CDH13: variants seen among roughly 807,000 people sequenced by gnomAD.
CDH13 encodes cadherin 13.
In CDH13, 24 loss-of-function variants were observed where a neutral mutation model predicts 63.8. That is an observed-to-expected ratio of 0.38 (90% CI 0.27 to 0.53). The LOEUF (loss-of-function observed/expected upper bound fraction) is 0.53. Ranked by LOEUF, CDH13 falls within the 20% of genes least tolerant of loss-of-function variation. The probability of loss-of-function intolerance (pLI) is 0.85; values close to 1 mark genes in which losing one functional copy is unlikely to be tolerated. For missense variants in CDH13, 1,049 were observed against 903.1 expected, an observed-to-expected ratio of 1.16 and a Z score of -2.07; for synonymous variants, 503 against 355.3, an observed-to-expected ratio of 1.42 and a Z score of -4.67.
At chr16:83,400,123 T>C (rs986466493) in intron 6 of CDH13, among the ~76,000 whole-genome samples, 6 of 119,772 alleles carry the variant, frequency 5.0e-5, no homozygotes, top group African/African-American at 1.9e-4. Context: ...TTCTGATGGG[T>C]TTTTTTTTTT....
At chr16:82,818,637 G>C (rs1462449272) in intron 1 of CDH13, among the ~76,000 whole-genome samples, 1 of 152,098 alleles carries the variant, frequency 6.6e-6, no homozygotes, top group South Asian at 2.1e-4. Context: ...TTTTAGAGGT[G>C]CTCAAAAGGC....
intron 1 of CDH13, among the ~76,000 whole-genome samples, chr16:82,850,973 G>A (rs1252744573): frequency 6.6e-6 from 1 of 152,184 alleles, no homozygotes; most frequent in Non-Finnish European, 1.5e-5. Context: ...AAGTTCATGT[G>A]ACTCACTTTA....
At chr16:83,607,310 C>T (rs1198466452) in intron 8 of CDH13, among the ~76,000 whole-genome samples, 1 of 151,936 alleles carries the variant, frequency 6.6e-6, no homozygotes, top group Non-Finnish European at 1.5e-5. Flanking sequence ...ATCCTAGCTA[C>T]TTGGGAGGCT....
In CDH13 at chr16:83,245,214, C is replaced by T. The variant is rs371931746; in HGVS notation, c.636+27717C>T. Among the ~76,000 whole-genome samples, 102 of 152,212 alleles carry T rather than the reference C, an allele frequency of 6.7e-4. 4 individuals are homozygous for T. The South Asian group carries it at 0.02, about 29-fold the overall frequency. Reference sequence around the variant, plus strand: ...TACCTCTGGACTCTAAATTCCCAGACTTATCTGGCTCTCTGCCACCCCCCA... The same window carrying T: ...TACCTCTGGACTCTAAATTCCCAGATTTATCTGGCTCTCTGCCACCCCCCA... On this transcript the variant is annotated intron_variant, in intron 5 of 13. Coordinates refer to ENST00000567109, the MANE Select transcript of CDH13 (RefSeq NM_001257.5).
Position 83,031,216 on chromosome 16 carries a change from A to G in CDH13, c.158-794A>G, listed in dbSNP as rs563930772. ...ATATACATGCGCATGTATACACCAT[A>G]TACATGCGCATGTATACACCATATA... On this transcript the variant is annotated intron_variant, in intron 2 of 13. Coordinates refer to ENST00000567109, the MANE Select transcript of CDH13 (RefSeq NM_001257.5). 2.6e-4 allele frequency among the ~76,000 whole-genome samples: 39 copies of G among 147,204 alleles called. 1 individual carries two copies. Among genetic ancestry groups the G allele is most frequent in the African/African-American group, 9.4e-4 (38 of 40,382 alleles).
intron 5 of CDH13, among the ~76,000 whole-genome samples, chr16:83,336,971 G>A (rs911105266): frequency 3.9e-5 from 6 of 152,142 alleles, no homozygotes; most frequent in South Asian, 2.1e-4. Flanking sequence ...AAATTTTGTC[G>A]GACTAAATTG....
intron 10 of CDH13, among the ~76,000 whole-genome samples, chr16:83,742,857 C>A (rs1326893765): frequency 1.3e-5 from 2 of 152,188 alleles, no homozygotes; most frequent in Non-Finnish European, 2.9e-5. Context: ...CCTTCCAGGG[C>A]ATCTGTGGGG....
At chr16:83,523,402 G>A (rs1333605320) in intron 7 of CDH13, among the ~76,000 whole-genome samples, 1 of 152,174 alleles carries the variant, frequency 6.6e-6, no homozygotes, top group East Asian at 1.9e-4. Context: ...AATCCTGATA[G>A]CTTTTTTAGA....
chr16:83,576,683 C>T (rs762269558), intron 7 of CDH13, among the ~76,000 whole-genome samples: 8 of 152,204 alleles, frequency 5.3e-5, no homozygotes, highest in Admixed American at 1.3e-4. Context: ...TCTGTTGTTG[C>T]TGTTTTTTAT....
chr16:83,264,852 A>C (rs1907418704), intron 5 of CDH13, among the ~76,000 whole-genome samples: 1 of 152,172 alleles, frequency 6.6e-6, no homozygotes, highest in Non-Finnish European at 1.5e-5. Context: ...TCCTATTAAA[A>C]CTAAAGATAT....
chr16:83,131,694 A>T (rs947909164), intron 4 of CDH13, among the ~76,000 whole-genome samples: 1 of 152,210 alleles, frequency 6.6e-6, no homozygotes, highest in African/African-American at 2.4e-5. Context: ...GTCATTTATG[A>T]AATGCTTATT....
At chr16:83,378,927 A>G (rs1189503495) in intron 6 of CDH13, among the ~76,000 whole-genome samples, 2 of 152,092 alleles carry the variant, frequency 1.3e-5, no homozygotes, top group East Asian at 3.9e-4. Context: ...ACTTAAGTGC[A>G]TATTTCTTAT....
At chr16:82,968,712 G>T (rs1186387194) in intron 2 of CDH13, among the ~76,000 whole-genome samples, 9 of 152,140 alleles carry the variant, frequency 5.9e-5, no homozygotes, top group Admixed American at 5.9e-4. Context: ...AGAAGCCCTG[G>T]TATAGGCTTT....
intron 2 of CDH13, among the ~76,000 whole-genome samples, chr16:82,877,020 G>T (rs572563100): frequency 6.6e-6 from 1 of 152,308 alleles, no homozygotes; most frequent in South Asian, 2.1e-4. Flanking sequence ...GATAACTGGT[G>T]TTAAAACAAG....
At chr16:83,545,004 T>C (rs2075360053) in intron 7 of CDH13, among the ~76,000 whole-genome samples, 1 of 152,238 alleles carries the variant, frequency 6.6e-6, no homozygotes, top group Non-Finnish European at 1.5e-5. Flanking sequence ...TTAAACTAAC[T>C]AGAAGATTCC....
chr16:83,145,134 A>T (rs1207173038), intron 4 of CDH13, among the ~76,000 whole-genome samples: 1 of 152,192 alleles, frequency 6.6e-6, no homozygotes, highest in East Asian at 1.9e-4. Flanking sequence ...ATGAAGGGAT[A>T]TGAAGCCCAA....
intron 7 of CDH13, among the ~76,000 whole-genome samples, chr16:83,582,534 G>C (rs1253900593): frequency 3.3e-5 from 5 of 152,146 alleles, no homozygotes; most frequent in Non-Finnish European, 5.9e-5. Context: ...TCCCATGGAG[G>C]GATAAATGGA....
chr16:82,992,923 G>C (rs1042794085), intron 2 of CDH13, among the ~76,000 whole-genome samples: 3 of 152,250 alleles, frequency 2.0e-5, no homozygotes, highest in Middle Eastern at 6.8e-3. Context: ...AGGCTTGCAG[G>C]TTTAATGACC....
intron 2 of CDH13, among the ~76,000 whole-genome samples, chr16:82,909,803 A>C (rs952766829): frequency 5.3e-5 from 8 of 152,208 alleles, no homozygotes; most frequent in Admixed American, 1.3e-4. Context: ...GTGGGGACAC[A>C]GCCAAACGAT....
Sources: gnomAD v4.1 joint callset for allele counts (sites outside exome capture counted in the v4.1 genomes callset) on GRCh38, gnomAD v4.1.1 for gene constraint, MANE v1.5 for transcripts, NCBI Gene and HGNC (gene_info 2026-07-23, HGNC 2026-07-21) for gene names.